Variants in KDM4C observed in about 807,000 individuals in gnomAD.
The protein encoded by KDM4C is lysine demethylase 4C, also known as lysine-specific demethylase 4C.
A neutral mutation model predicts 129.3 loss-of-function variants in KDM4C; 81 were observed. That is an observed-to-expected ratio of 0.63 (90% CI 0.52 to 0.75). The LOEUF (loss-of-function observed/expected upper bound fraction) is 0.75, where lower values mean the gene tolerates loss of function less well. Ranked by LOEUF, KDM4C falls within the 30% of genes least tolerant of loss-of-function variation. The probability of loss-of-function intolerance (pLI) is 0.00; values close to 1 mark genes in which losing one functional copy is unlikely to be tolerated. For synonymous variants in KDM4C, 573 were observed against 456.1 expected (o/e 1.26, Z -3.26); for missense variants, 1,457 against 1,304.0 (o/e 1.12, Z -1.81).
At chr9:6,766,904 C>G (rs531391758) in intron 1 of KDM4C, among the ~76,000 whole-genome samples, 2 of 152,106 alleles carry the variant, frequency 1.3e-5, no homozygotes, top group Admixed American at 1.3e-4. Context: ...TCATTTGGCT[C>G]CCTTTTTACC....
intron 8 of KDM4C, among the ~76,000 whole-genome samples, chr9:6,949,848 G>C (rs1444216786): frequency 7.2e-6 from 1 of 138,450 alleles, no homozygotes; most frequent in Non-Finnish European, 1.5e-5. Flanking sequence ...GAGGGAGACC[G>C]TGGGGAGAGG....
chr9:7,156,570 T>C (rs1217115403), intron 19 of KDM4C, among the ~76,000 whole-genome samples: 1 of 152,244 alleles, frequency 6.6e-6, no homozygotes, highest in Non-Finnish European at 1.5e-5. Context: ...TTTCTACATA[T>C]GGCTAGCCAG....
intron 8 of KDM4C, among the ~76,000 whole-genome samples, chr9:6,925,960 T>G (rs1370193185): frequency 1.3e-5 from 2 of 152,148 alleles, no homozygotes; most frequent in Non-Finnish European, 2.9e-5. Context: ...GTGGAACGTT[T>G]CCAGTGGCTT....
At chr9:6,794,963 T>G (rs890075826) in intron 2 of KDM4C, among the ~76,000 whole-genome samples, 2 of 152,204 alleles carry the variant, frequency 1.3e-5, no homozygotes, top group African/African-American at 4.8e-5. Context: ...ATTAAAAAAT[T>G]TCCCATGGAA....
intron 4 of KDM4C, among the ~76,000 whole-genome samples, chr9:6,838,046 C>T (rs919105779): frequency 1.3e-5 from 2 of 152,090 alleles, no homozygotes; most frequent in South Asian, 2.1e-4. Context: ...CTTGTTAATA[C>T]TGGTTAACTG....
At chr9:6,731,262 G>T (rs1174629914) in intron 1 of KDM4C, among the ~76,000 whole-genome samples, 1 of 149,152 alleles carries the variant, frequency 6.7e-6, no homozygotes, top group Non-Finnish European at 1.5e-5. Flanking sequence ...GGATCTATGA[G>T]TTTCCTTAAA....
chr9:6,993,538 T>C (rs1006853047), intron 12 of KDM4C, among the ~76,000 whole-genome samples: 7 of 152,208 alleles, frequency 4.6e-5, no homozygotes, highest in African/African-American at 1.7e-4. Flanking sequence ...GTACGTATTC[T>C]TCTGTTGCCA....
intron 8 of KDM4C, among the ~76,000 whole-genome samples, chr9:6,978,201 G>C (rs1222224410): frequency 6.6e-6 from 1 of 152,172 alleles, no homozygotes; most frequent in Non-Finnish European, 1.5e-5. Flanking sequence ...AGATTTCATA[G>C]CTTGTCAGTG....
chr9:6,967,397 C>A (rs1831179939), intron 8 of KDM4C, among the ~76,000 whole-genome samples: 2 of 148,506 alleles, frequency 1.3e-5, no homozygotes, highest in African/African-American at 5.0e-5. Context: ...GCACTCCTGC[C>A]TGGGTGACAG....
intron 5 of KDM4C, 27 bp from the exon 6 acceptor site, chr9:6,879,985 A>C (rs1168786859): frequency 1.4e-5 from 20 of 1,392,728 alleles, no homozygotes; most frequent in Non-Finnish European, 2.0e-5. Flanking sequence ...ATAAACCTAA[A>C]ATTTTTACTT....
Position 7,111,392 on chromosome 9 carries a change from G to A in KDM4C, c.2610+7522G>A, listed in dbSNP as rs148046082. Among the ~76,000 whole-genome samples the A allele has an allele frequency of 1.9e-3, 292 of 152,280 alleles. 2 individuals carry two copies. Among genetic ancestry groups the A allele is most frequent in the African/African-American group, 6.7e-3 (280 of 41,552 alleles). On this transcript the variant is annotated intron_variant, in intron 18 of 21. Coordinates refer to ENST00000381309, the MANE Select transcript of KDM4C (RefSeq NM_015061.6). The stretch of plus-strand genomic sequence containing the variant: ...GTATAATGCAGACACTCTGAAATTC[G>A]AAAAATTCTGAAATAATTCTGCTCC...
At chr9:6,761,795 C>G (rs969555328) in intron 1 of KDM4C, among the ~76,000 whole-genome samples, 1 of 152,032 alleles carries the variant, frequency 6.6e-6, no homozygotes, top group Non-Finnish European at 1.5e-5. Context: ...TAATGCTTCT[C>G]TCCCAACCTC....
intron 1 of KDM4C, among the ~76,000 whole-genome samples, chr9:6,782,040 G>A (rs1307950168): frequency 6.6e-6 from 1 of 152,038 alleles, no homozygotes; most frequent in African/African-American, 2.4e-5. Flanking sequence ...GGCCCGGCTG[G>A]TCTCGAACTC....
intron 17 of KDM4C, among the ~76,000 whole-genome samples, chr9:7,059,687 A>G (rs1371902912): frequency 6.6e-6 from 1 of 152,230 alleles, no homozygotes; most frequent in Non-Finnish European, 1.5e-5. Context: ...ATATTACAAC[A>G]GACCAAATGC....
chr9:6,973,542 T>G (rs1245883102), intron 8 of KDM4C, among the ~76,000 whole-genome samples: 4 of 152,222 alleles, frequency 2.6e-5, no homozygotes, highest in African/African-American at 9.6e-5. Context: ...AAGGTTTCAT[T>G]TTTTCCAGAG....
intron 17 of KDM4C, chr9:7,076,548 G>A: frequency 2.0e-6 from 3 of 1,530,960 alleles, no homozygotes; most frequent in East Asian, 2.5e-5. Context: ...CACTGTTTCA[G>A]ATGCTGTTTC....
At chr9:6,892,475 T>TA (rs1270258516) in intron 7 of KDM4C, among the ~76,000 whole-genome samples, 1 of 152,182 alleles carries the variant, frequency 6.6e-6, no homozygotes, top group Non-Finnish European at 1.5e-5. Flanking sequence ...GGCTCAGGCT[T>TA]ATTTATGCGA....
intron 1 of KDM4C, among the ~76,000 whole-genome samples, chr9:6,746,324 A>G (rs1817873332): frequency 7.8e-6 from 1 of 128,714 alleles, no homozygotes; most frequent in Admixed American, 9.3e-5. Flanking sequence ...GCTGGAGTGC[A>G]GTGGAGCAAT....
intron 11 of KDM4C, among the ~76,000 whole-genome samples, chr9:6,989,940 A>AT (rs5896173): frequency 1.3e-4 from 19 of 148,458 alleles, no homozygotes; most frequent in Admixed American, 7.3e-4. Context: ...ATACCTGGCT[A>AT]TTTTTTTTTT....
Sources: gnomAD v4.1 joint callset for allele counts (sites outside exome capture counted in the v4.1 genomes callset) on GRCh38, gnomAD v4.1.1 for gene constraint, MANE v1.5 for transcripts, NCBI Gene and HGNC (gene_info 2026-07-23, HGNC 2026-07-21) for gene names.